The following ANKRD17 variants were observed in gnomAD, a reference collection of about 807,000 sequenced individuals.
ANKRD17 encodes ankyrin repeat domain-containing protein 17.
In ANKRD17, 19 loss-of-function variants were observed where a neutral mutation model predicts 229.7. That is an observed-to-expected ratio of 0.08 (90% CI 0.06 to 0.12). ANKRD17 has a LOEUF of 0.12. Among genes scored for constraint, ANKRD17 ranks in the 10% least tolerant of loss-of-function variants. The pLI is 1.00. For missense variants in ANKRD17, 2,176 were observed against 3,176.8 expected, an observed-to-expected ratio of 0.68 and a Z score of 7.57; for synonymous variants, 1,112 against 1,146.1, an observed-to-expected ratio of 0.97 and a Z score of 0.60.
chr4:73,250,589 CAAAAAAAAAAAAAAA>C (rs35160047), intron 1 of ANKRD17, among the ~76,000 whole-genome samples: 3 of 29,388 alleles, frequency 1.0e-4, no homozygotes, highest in Admixed American at 5.3e-4. Flanking sequence ...GACCTTGTCT[CAAAAAAAAAAAAAAA>C]AAAAAAAAAA....
At chr4:73,194,147 T>C (rs1737521183) in intron 1 of ANKRD17, among the ~76,000 whole-genome samples, 1 of 152,232 alleles carries the variant, frequency 6.6e-6, no homozygotes, top group Non-Finnish European at 1.5e-5. Flanking sequence ...GGTTATTTTA[T>C]GTTTGTGGTT....
At chr4:73,167,970 G>C (rs948015368) in intron 2 of ANKRD17, among the ~76,000 whole-genome samples, 1 of 152,166 alleles carries the variant, frequency 6.6e-6, no homozygotes, top group South Asian at 2.1e-4. Context: ...GGCTAACGCA[G>C]CGAAACCCCG....
At chr4:73,153,309 T>TA (rs913558392) in intron 6 of ANKRD17, among the ~76,000 whole-genome samples, 4 of 150,554 alleles carry the variant, frequency 2.7e-5, no homozygotes, top group Admixed American at 1.3e-4. Context: ...CTTTTTTTAA[T>TA]AAAAAACTTC....
At position 73,098,066 on chromosome 4, in the gene ANKRD17, A is replaced by T. The variant is rs111675695; in HGVS notation, c.5021+7T>A. The T allele has an allele frequency of 1.4e-4, 222 of 1,580,582 alleles. 1 individual carries two copies. In the African/African-American group the frequency reaches 2.4e-3, roughly 17 times the overall value. ...TATAAATATTGAAAATAAAAATTGG[A>T]ACTAACTTTATTGAAGCCTTGCCAG... On this transcript the variant is annotated splice_region_variant and intron_variant, in intron 26 of 33. Coordinates refer to ENST00000358602, the MANE Select transcript of ANKRD17 (RefSeq NM_032217.5).
At chr4:73,100,987 T>C in intron 25 of ANKRD17, 2 of 982,818 alleles carry the variant, frequency 2.0e-6, no homozygotes, top group Non-Finnish European at 2.4e-6. Flanking sequence ...AAAAAACAAA[T>C]ACGAATTTAA....
chr4:73,207,432 T>C (rs748221999), intron 1 of ANKRD17, among the ~76,000 whole-genome samples: 78 of 152,162 alleles, frequency 5.1e-4, no homozygotes, highest in South Asian at 1.7e-3. Flanking sequence ...ATATTGCTAA[T>C]TATACTAAGT....
intron 12 of ANKRD17, 28 bp downstream of exon 12, chr4:73,142,612 A>G: frequency 6.2e-7 from 1 of 1,613,852 alleles, no homozygotes; most frequent in Non-Finnish European, 8.5e-7. Context: ...CTAATTCACA[A>G]TTCTGCACAA....
intron 18 of ANKRD17, among the ~76,000 whole-genome samples, chr4:73,124,409 AC>A (rs1466456414): frequency 6.6e-6 from 1 of 152,096 alleles, no homozygotes; most frequent in Non-Finnish European, 1.5e-5. Flanking sequence ...CCTTAAAAAA[AC>A]AAAAGGTCAT....
intron 1 of ANKRD17, among the ~76,000 whole-genome samples, chr4:73,240,597 C>T (rs565381588): frequency 6.6e-6 from 1 of 151,908 alleles, no homozygotes; most frequent in Non-Finnish European, 1.5e-5. Context: ...TGCCCTCCAG[C>T]CTATGCAACA....
chr4:73,188,597 A>G (rs907744619), intron 1 of ANKRD17, among the ~76,000 whole-genome samples: 3 of 152,146 alleles, frequency 2.0e-5, no homozygotes, highest in Non-Finnish European at 4.4e-5. Context: ...AAAAACAAAA[A>G]AGAAAAGAAA....
At chr4:73,154,820 T>C (rs534561845) in intron 5 of ANKRD17, among the ~76,000 whole-genome samples, 163 of 152,156 alleles carry the variant, frequency 1.1e-3, no homozygotes, top group South Asian at 2.1e-3. Context: ...GGCGGGCGGA[T>C]CACGAGGTCA....
intron 1 of ANKRD17, among the ~76,000 whole-genome samples, chr4:73,240,933 C>T (rs1011560000): frequency 6.6e-6 from 1 of 151,462 alleles, no homozygotes; most frequent in Non-Finnish European, 1.5e-5. Context: ...CTCAGCCTCC[C>T]GAGTAGCTGG....
intron 15 of ANKRD17, among the ~76,000 whole-genome samples, chr4:73,135,530 A>G (rs547844705): frequency 6.6e-6 from 1 of 152,298 alleles, no homozygotes; most frequent in Non-Finnish European, 1.5e-5. Context: ...CTTAATTCAA[A>G]ATAACCCTGA....
intron 1 of ANKRD17, among the ~76,000 whole-genome samples, chr4:73,212,453 T>C (rs1740405505): frequency 6.6e-6 from 1 of 152,222 alleles, no homozygotes; most frequent in South Asian, 2.1e-4. Context: ...TTTTAAATGA[T>C]ATATGTAGGG....
intron 1 of ANKRD17, among the ~76,000 whole-genome samples, chr4:73,234,794 G>C (rs1241707038): frequency 2.6e-5 from 4 of 152,198 alleles, no homozygotes; most frequent in Admixed American, 2.0e-4. Flanking sequence ...TCAGGCCTAA[G>C]AGTGGGCATC....
chr4:73,142,645 A>G lies in ANKRD17; in HGVS notation c.2080T>C (p.Leu694=). The change falls in exon 12 of 34, where the codon TTG becomes CTG. Residue 694 remains leucine (L), a synonymous_variant. Coordinates refer to ENST00000358602, the MANE Select transcript of ANKRD17 (RefSeq NM_032217.5). ...CAAACATTTGAGTTACATACTTTCAAACGGTGAGTAGGATCTGCCCCATGA... is the reference window on the plus strand; with the variant it reads ...CAAACATTTGAGTTACATACTTTCAGACGGTGAGTAGGATCTGCCCCATGA... ...LAHGADPTHR[L]KDGSTMLIEA... The G allele has an allele frequency of 6.2e-7, 1 of 1,613,908 alleles. No individual in the cohort carries two copies. Among genetic ancestry groups the G allele is most frequent in the Admixed American group, 1.7e-5 (1 of 59,950 alleles).
At position 73,139,762 on chromosome 4, in the gene ANKRD17, G is replaced by A. The variant is rs1712589490; in HGVS notation, c.2854C>T (p.Pro952Ser). Reference protein sequence around the residue: ...QQTAAQMGFAPIQPLAMPQAL... With the variant: ...QQTAAQMGFASIQPLAMPQAL... ...TGAGGCATCGCCAGAGGCTGGATTG[G>A]CGCAAAACCCATCTGAGCAGCAGTC... Residue 952 changes from proline to serine, a missense_variant, in exon 15 of 34, where the codon CCA becomes TCA. Transcript: ENST00000358602. 1 of 1,614,050 alleles carries A rather than the reference G, an allele frequency of 6.2e-7. No homozygotes were observed. The highest frequency in any genetic ancestry group is 8.5e-7 in the Non-Finnish European group (1 of 1,180,036).
chr4:73,254,359 T>G (rs1745274891), intron 1 of ANKRD17, among the ~76,000 whole-genome samples: 1 of 152,242 alleles, frequency 6.6e-6, no homozygotes, highest in African/African-American at 2.4e-5. Flanking sequence ...TATCTCTTGA[T>G]TTAGTCACAG....
In ANKRD17 at chr4:73,079,417, G is replaced by C. The variant is rs373701492; in HGVS notation, c.7160-527C>G. ...TTTTATTTATGTATTTTTGGAGACA[G>C]AGTCTTGCTCCATTGTCCAGGCTAG... On this transcript the variant is annotated intron_variant, in intron 30 of 33. Transcript: ENST00000358602. 3.9e-5 allele frequency among the ~76,000 whole-genome samples: 6 copies of C among 152,174 alleles called. No homozygotes were observed. In the East Asian group the frequency reaches 1.2e-3, roughly 29 times the overall value.
Sources: gnomAD v4.1 joint callset for allele counts (sites outside exome capture counted in the v4.1 genomes callset) on GRCh38, gnomAD v4.1.1 for gene constraint, MANE v1.5 for transcripts, NCBI Gene and HGNC (gene_info 2026-07-23, HGNC 2026-07-21) for gene names.